UHRF2: variants seen among roughly 807,000 people sequenced by gnomAD.
The protein encoded by UHRF2 is E3 ubiquitin-protein ligase UHRF2.
A neutral mutation model predicts 96.8 loss-of-function variants in UHRF2; 23 were observed. That is an observed-to-expected ratio of 0.24 (90% CI 0.17 to 0.34). UHRF2 has a LOEUF of 0.34. Ranked by LOEUF, UHRF2 falls within the 10% of genes least tolerant of loss-of-function variation. The pLI, the probability that UHRF2 is intolerant of heterozygous loss-of-function variation, is 1.00. For synonymous variants in UHRF2, 385 were observed against 332.6 expected, an observed-to-expected ratio of 1.16 and a Z score of -1.72; for missense variants, 685 against 981.5, an observed-to-expected ratio of 0.70 and a Z score of 4.04.
At chr9:6,444,299 A>G (rs1029251375) in intron 3 of UHRF2, among the ~76,000 whole-genome samples, 3 of 152,228 alleles carry the variant, frequency 2.0e-5, no homozygotes, top group African/African-American at 7.2e-5. Flanking sequence ...CTAACTGTCT[A>G]TGACTTGTAG....
At chr9:6,438,533 A>T (rs534960814) in intron 3 of UHRF2, among the ~76,000 whole-genome samples, 1 of 152,316 alleles carries the variant, frequency 6.6e-6, no homozygotes, top group Admixed American at 6.5e-5. Context: ...TAGAGTGATA[A>T]GCATTATTTG....
chr9:6,473,416 C>T (rs1432394546), intron 4 of UHRF2, among the ~76,000 whole-genome samples: 1 of 152,104 alleles, frequency 6.6e-6, no homozygotes, highest in African/African-American at 2.4e-5. Context: ...TTAGTGAGGT[C>T]ATTTCTCTGT....
intron 1 of UHRF2, among the ~76,000 whole-genome samples, chr9:6,417,922 C>G (rs183503071): frequency 1.3e-5 from 2 of 152,296 alleles, no homozygotes; most frequent in East Asian, 3.9e-4. Context: ...TCTGGTCCCT[C>G]AAACCTAAGT....
chr9:6,494,008 G>A (rs571317691), intron 10 of UHRF2, 76 bp downstream of exon 10: 6 of 1,274,166 alleles, frequency 4.7e-6, no homozygotes, highest in South Asian at 1.5e-5. Flanking sequence ...TGTAACTTAC[G>A]TTGCAGAGGA....
At chr9:6,424,461 T>A (rs1467414856) in intron 2 of UHRF2, among the ~76,000 whole-genome samples, 29 of 152,222 alleles carry the variant, frequency 1.9e-4, no homozygotes, top group Admixed American at 1.9e-3. Context: ...TAAATACCAA[T>A]ACTTAATACA....
In UHRF2 at chr9:6,413,302, G is replaced by A. The variant is rs1015137047; in HGVS notation, c.-189G>A. 9.0e-6 allele frequency: 3 copies of A among 332,868 alleles called. No individual in the cohort carries two copies. Among genetic ancestry groups the A allele is most frequent in the African/African-American group, 4.4e-5 (2 of 45,344 alleles). 20.6% of individuals were successfully genotyped at this position (332,868 alleles called of 1,614,324 possible). On this transcript the variant is annotated 5_prime_UTR_variant, in exon 1 of 16. Coordinates refer to ENST00000276893, the MANE Select transcript of UHRF2 (RefSeq NM_152896.3). ...GTTCCGGTCGTCTCTCCTCAAGTCG[G>A]CTAGTCGGGCGCGCGCGCTGAGAGT...
intron 2 of UHRF2, among the ~76,000 whole-genome samples, chr9:6,424,306 A>G (rs567514774): frequency 3.3e-5 from 5 of 152,232 alleles, no homozygotes; most frequent in Middle Eastern, 3.2e-3. Context: ...AAAATTTGCA[A>G]TAACAAAAGG....
chr9:6,475,535 T>C, intron 5 of UHRF2, 35 bp downstream of exon 5: 1 of 1,317,774 alleles, frequency 7.6e-7, no homozygotes, highest in Non-Finnish European at 1.1e-6. Context: ...AGACTACATG[T>C]GTTGTACATG....
intron 3 of UHRF2, among the ~76,000 whole-genome samples, chr9:6,460,045 C>T (rs192670752): frequency 1.3e-5 from 2 of 152,308 alleles, no homozygotes; most frequent in East Asian, 3.9e-4. Flanking sequence ...TCCCCAGTCC[C>T]CTACTTTCCC....
chr9:6,418,990 G>A (rs1819768899), intron 1 of UHRF2, among the ~76,000 whole-genome samples: 1 of 152,096 alleles, frequency 6.6e-6, no homozygotes, highest in South Asian at 2.1e-4. Context: ...CCTTTTTCCT[G>A]TGTCTTCACA....
chr9:6,422,111 G>A (rs1819963327), intron 2 of UHRF2, among the ~76,000 whole-genome samples: 1 of 152,192 alleles, frequency 6.6e-6, no homozygotes, highest in South Asian at 2.1e-4. Context: ...GAATAGAAGT[G>A]CTAGTTGTTC....
chr9:6,455,162 A>C (rs1563769821), intron 3 of UHRF2, among the ~76,000 whole-genome samples: 1 of 152,040 alleles, frequency 6.6e-6, no homozygotes, highest in Non-Finnish European at 1.5e-5. Flanking sequence ...TTATACTTTT[A>C]AGTTCTAGGG....
At chr9:6,450,508 A>G (rs947128833) in intron 3 of UHRF2, among the ~76,000 whole-genome samples, 3 of 152,148 alleles carry the variant, frequency 2.0e-5, no homozygotes, top group Admixed American at 6.5e-5. Context: ...TTGTTTACCT[A>G]TGGCATGGTA....
intron 2 of UHRF2, among the ~76,000 whole-genome samples, chr9:6,433,680 C>CTTT (rs1410632291): frequency 6.6e-6 from 1 of 152,200 alleles, no homozygotes; most frequent in African/African-American, 2.4e-5. Flanking sequence ...GTAAAGAAAA[C>CTTT]ACCTATTTCA....
At chr9:6,420,646 G>A (rs1380490119) in intron 1 of UHRF2, among the ~76,000 whole-genome samples, 1 of 151,228 alleles carries the variant, frequency 6.6e-6, no homozygotes, top group Non-Finnish European at 1.5e-5. Context: ...GGAGGCGCTT[G>A]CAGTGAGCCA....
At chr9:6,487,220 C>T (rs115809639) in intron 9 of UHRF2, among the ~76,000 whole-genome samples, 2,727 of 103,574 alleles carry the variant, frequency 0.026, 97 homozygotes, top group African/African-American at 0.11. Context: ...GATGGAGTCT[C>T]GCTATATCAC....
intron 12 of UHRF2, 58 bp downstream of exon 12, chr9:6,498,216 T>C: frequency 6.4e-7 from 1 of 1,560,390 alleles, no homozygotes; most frequent in Admixed American, 1.8e-5. Flanking sequence ...ACCTCTTCTA[T>C]CTACATGCCT....
intron 2 of UHRF2, among the ~76,000 whole-genome samples, chr9:6,426,058 G>A (rs931658062): frequency 2.0e-5 from 3 of 152,202 alleles, no homozygotes; most frequent in African/African-American, 7.2e-5. Flanking sequence ...CTGCACATCT[G>A]AGATTAATCA....
At chr9:6,487,222 C>CTAT (rs1824353704) in intron 9 of UHRF2, among the ~76,000 whole-genome samples, 2 of 109,756 alleles carry the variant, frequency 1.8e-5, no homozygotes, top group South Asian at 5.9e-4. Flanking sequence ...TGGAGTCTCG[C>CTAT]TATATCACCT....
Sources: allele counts gnomAD v4.1 joint callset (sites outside exome capture counted in the v4.1 genomes callset), GRCh38; gene constraint gnomAD v4.1.1; transcripts MANE v1.5; gene names NCBI Gene and HGNC (gene_info 2026-07-23, HGNC 2026-07-21).